The following RASSF3 variants were observed in gnomAD, a reference collection of about 807,000 sequenced individuals.
The protein encoded by RASSF3 is Ras association domain family member 3.
A neutral mutation model predicts 19.9 loss-of-function variants in RASSF3; 19 were observed. That is an observed-to-expected ratio of 0.96 (90% CI 0.67 to 1.40). The LOEUF is 1.40. RASSF3 is among the 40% of genes most tolerant of loss of function. RASSF3 has a pLI of 0.00. For synonymous variants in RASSF3, 110 were observed against 104.2 expected, an observed-to-expected ratio of 1.06 and a Z score of -0.34; for missense variants, 306 against 289.8, an observed-to-expected ratio of 1.06 and a Z score of -0.41.
rs1268026067 is a variant in RASSF3, at chr12:64,652,740, C to T, written c.112-32047C>T. ...TATGTAGTGGTTACTGCAGTAATCA[C>T]ACTCTTATTATTTTCTAATTATGTG... On this transcript the variant is annotated intron_variant, in intron 1 of 4. Coordinates refer to ENST00000542104, the MANE Select transcript of RASSF3 (RefSeq NM_178169.4). Among the ~76,000 whole-genome samples, 3 of 152,180 alleles carry T rather than the reference C, an allele frequency of 2.0e-5. No homozygotes were observed. In the East Asian group the frequency reaches 5.8e-4, roughly 29 times the overall value.
chr12:64,656,590 G>A (rs938775903), intron 1 of RASSF3, among the ~76,000 whole-genome samples: 2 of 152,140 alleles, frequency 1.3e-5, no homozygotes, highest in African/African-American at 4.8e-5. Flanking sequence ...CTTATCTTCT[G>A]GTGGTGGGGA....
rs1041608041 is a variant in RASSF3 at position 64,602,377 on chromosome 12, G to A, written c.294+60672G>A. ...GGGTGAATCATGAGGTCAGGAGATC[G>A]AGACCATCCTGGCCAACATGGTGAA... On this transcript the variant is annotated intron_variant, in intron 2 of 5. Transcript: ENST00000637125. Among the ~76,000 whole-genome samples the A allele has an allele frequency of 2.1e-4, 31 of 150,794 alleles. 1 individual carries two copies. The highest frequency in any genetic ancestry group is 6.8e-4 in the African/African-American group (28 of 41,072).
chr12:64,667,223 G>A (rs550386202), intron 1 of RASSF3, among the ~76,000 whole-genome samples: 16 of 152,022 alleles, frequency 1.1e-4, no homozygotes, highest in Non-Finnish European at 5.9e-5. Flanking sequence ...TTGCTGCAAG[G>A]GGAACACATT....
chr12:64,519,934 T>C (rs1436565870), intron 1 of RASSF3, among the ~76,000 whole-genome samples: 1 of 152,070 alleles, frequency 6.6e-6, no homozygotes, highest in Non-Finnish European at 1.5e-5. Context: ...CCTAGGTCCA[T>C]AATCCCAGTC....
intron 1 of RASSF3, among the ~76,000 whole-genome samples, chr12:64,664,156 G>A (rs1444709936): frequency 6.6e-6 from 1 of 151,956 alleles, no homozygotes; most frequent in Non-Finnish European, 1.5e-5. Flanking sequence ...CTCCGTTCCT[G>A]GTCATTTCAT....
intron 2 of RASSF3, among the ~76,000 whole-genome samples, chr12:64,566,432 AT>A (rs754280125): frequency 1.7e-4 from 26 of 152,192 alleles, no homozygotes; most frequent in Non-Finnish European, 3.4e-4. Flanking sequence ...TGGCCTCAAA[AT>A]TTAGTGTCCA....
chr12:64,578,732 G>C (rs978581081), intron 2 of RASSF3, among the ~76,000 whole-genome samples: 1 of 152,226 alleles, frequency 6.6e-6, no homozygotes, highest in Admixed American at 6.5e-5. Context: ...ACCCTGAAGG[G>C]CTGCCTGGCA....
chr12:64,515,461 T>A (rs1254645627), intron 1 of RASSF3: 2 of 152,212 alleles, frequency 1.3e-5, no homozygotes, highest in African/African-American at 4.8e-5. Context: ...GTGGACAGTT[T>A]GTTTTCCAGG....
intron 1 of RASSF3, among the ~76,000 whole-genome samples, chr12:64,642,993 G>A (rs1241914995): frequency 6.6e-6 from 1 of 151,858 alleles, no homozygotes; most frequent in African/African-American, 2.4e-5. Context: ...AGCCTCAGCT[G>A]GGACTACAGG....
At chr12:64,622,712 T>TTAA in intron 1 of RASSF3, 1 of 263,562 alleles carries the variant, frequency 3.8e-6, no homozygotes, top group South Asian at 3.3e-5. Context: ...AAGTGAATCT[T>TTAA]TTAAAAAGAT....
chr12:64,563,395 C>T (rs950947655), intron 2 of RASSF3, among the ~76,000 whole-genome samples: 3 of 152,076 alleles, frequency 2.0e-5, no homozygotes, highest in Non-Finnish European at 4.4e-5. Flanking sequence ...GTCTCGATCT[C>T]CTGACCTCAG....
chr12:64,536,214 G>C (rs1030685549), intron 1 of RASSF3, among the ~76,000 whole-genome samples: 2 of 150,540 alleles, frequency 1.3e-5, no homozygotes, highest in African/African-American at 2.4e-5. Context: ...GTAGTGACTT[G>C]TTAGCCAGGA....
chr12:64,667,099 G>C (rs540288730), intron 1 of RASSF3, among the ~76,000 whole-genome samples: 4 of 152,056 alleles, frequency 2.6e-5, no homozygotes, highest in Non-Finnish European at 4.4e-5. Flanking sequence ...GCAAGAAATG[G>C]GGGGGTGTGG....
chr12:64,561,799 T>C lies in RASSF3; in HGVS notation c.294+20094T>C, dbSNP rs183135282. Among the ~76,000 whole-genome samples the C allele has an allele frequency of 3.4e-5, 5 of 145,886 alleles. No individual in the cohort carries two copies. The Admixed American group carries it at 3.6e-4, about 11-fold the overall frequency. Reference sequence around the variant, plus strand: ...CCTCCACCTCCTGGGTTCAAATGATTCTTGTGTCTCAGCCTCCCGAGTAGC... The same window carrying C: ...CCTCCACCTCCTGGGTTCAAATGATCCTTGTGTCTCAGCCTCCCGAGTAGC... On this transcript the variant is annotated intron_variant, in intron 2 of 5. Coordinates refer to the RASSF3 transcript ENST00000637125.
chr12:64,608,118 CT>C (rs141833800), upstream of RASSF3, among the ~76,000 whole-genome samples: 510 of 152,024 alleles, frequency 3.4e-3, 5 homozygotes, highest in African/African-American at 0.012. Flanking sequence ...AAAGGTCTCA[CT>C]ATGTTGGTCA....
intron 1 of RASSF3, among the ~76,000 whole-genome samples, chr12:64,676,020 G>A (rs1021420163): frequency 2.6e-5 from 4 of 151,962 alleles, no homozygotes; most frequent in Admixed American, 6.6e-5. Context: ...TAAGCATTGA[G>A]TCTCTAGATG....
chr12:64,618,729 A>G (rs1388070179), intron 1 of RASSF3, among the ~76,000 whole-genome samples: 1 of 152,148 alleles, frequency 6.6e-6, no homozygotes, highest in Non-Finnish European at 1.5e-5. Flanking sequence ...AATATATGTA[A>G]AAACTTAAGT....
intron 2 of RASSF3, among the ~76,000 whole-genome samples, chr12:64,559,556 A>G (rs1056514926): frequency 1.3e-5 from 2 of 152,072 alleles, no homozygotes; most frequent in Admixed American, 1.3e-4. Flanking sequence ...GGTGTGAGCC[A>G]CCGCGCCTGG....
intron 1 of RASSF3, among the ~76,000 whole-genome samples, chr12:64,620,883 C>T (rs896150637): frequency 9.9e-5 from 15 of 152,114 alleles, no homozygotes; most frequent in African/African-American, 3.4e-4. Context: ...AAAAAAACTT[C>T]AATAACTAAA....
Sources: allele counts gnomAD v4.1 joint callset (sites outside exome capture counted in the v4.1 genomes callset), GRCh38; gene constraint gnomAD v4.1.1; transcripts MANE v1.5; gene names NCBI Gene and HGNC (gene_info 2026-07-23, HGNC 2026-07-21).